The following NBPF12 variants were observed in gnomAD, a reference collection of about 807,000 sequenced individuals.
The protein encoded by NBPF12 is NBPF family member NBPF12.
A neutral mutation model predicts 146.4 loss-of-function variants in NBPF12; 115 were observed. The ratio of observed to expected loss-of-function variants is 0.79; its 90% CI spans 0.68 to 0.92. The LOEUF (loss-of-function observed/expected upper bound fraction) is 0.92. NBPF12 is among the 40% of genes least tolerant of loss of function. The pLI is 0.00. For missense variants in NBPF12, 1,205 were observed against 1,326.8 expected (o/e 0.91, Z 1.43); for synonymous variants, 385 against 508.9 (o/e 0.76, Z 3.28).
At chr1:146,944,989 TTCCTCCCTCCCTCCCTTCC>T (rs1654971564), upstream of NBPF12, among the ~76,000 whole-genome samples, 3 of 54,704 alleles carry the variant, frequency 5.5e-5, no homozygotes, top group African/African-American at 7.3e-5. Context: ...CCTGCCTTCC[TTCCTCCCTCCCTCCCTTCC>T]TTCCTCCCTC....
At chr1:146,941,758 CAAAAAAAA>C (rs1226007703) in intron 1 of NBPF12, among the ~76,000 whole-genome samples, 5 of 61,836 alleles carry the variant, frequency 8.1e-5, no homozygotes, top group South Asian at 5.6e-4. Context: ...TGTCTTGTAC[CAAAAAAAA>C]AAAAAAAAAA....
chr1:146,964,395 G>C (rs1443368390), exon 7 of NBPF12: 2 of 1,602,948 alleles, frequency 1.2e-6, no homozygotes, highest in South Asian at 1.1e-5. Flanking sequence ...TCAAGTTGAG[G>C]AGGATGAGAA....
chr1:146,939,718 A>C (rs1654710496), intron 1 of NBPF12, among the ~76,000 whole-genome samples: 1 of 151,852 alleles, frequency 6.6e-6, no homozygotes, highest in African/African-American at 2.4e-5. Context: ...TTGCTGGTGG[A>C]GCTGCTTTCG....
At chr1:146,962,999 T>A in intron 5 of NBPF12, 96 bp from the exon 9 acceptor site, 1 of 1,156,214 alleles carries the variant, frequency 8.6e-7, no homozygotes, top group Non-Finnish European at 1.3e-6. Context: ...CTTGAAGGTC[T>A]CCTTGAGAAC....
exon 6 of NBPF12, chr1:146,963,264 G>A: frequency 1.9e-6 from 3 of 1,612,008 alleles, no homozygotes; most frequent in Non-Finnish European, 2.5e-6. Flanking sequence ...ACAGCTGGCT[G>A]AGGGGTGTAG....
rs587659782 is a variant in NBPF12 at position 146,994,436 on chromosome 1, T to G, written c.4235T>G (p.Phe1412Cys). 5 of 1,612,088 alleles carry G rather than the reference T, an allele frequency of 3.1e-6. No homozygotes were observed. The African/African-American group carries it at 6.7e-5, about 22-fold the overall frequency. Reference sequence around the variant, plus strand: ...ATGTACTTTGAACTACCTGACTCATTCCAGCACTACAGAAGTGTGTTTTAC... The same window carrying G: ...ATGTACTTTGAACTACCTGACTCATGCCAGCACTACAGAAGTGTGTTTTAC... Residue 1412 changes from phenylalanine (F) to cysteine (C), a missense_variant, in exon 34 of 34, where the codon TTC (phenylalanine) becomes TGC (cysteine). Phe to Cys is a radical substitution (Grantham distance 205). Coordinates refer to ENST00000617844, the Ensembl canonical transcript of NBPF12.
chr1:146,984,976 G>A, exon 22 of NBPF12: 1 of 1,301,600 alleles, frequency 7.7e-7, no homozygotes, highest in East Asian at 2.3e-5. Flanking sequence ...CTTGGCTGTT[G>A]ACATGGATGG....
At chr1:146,971,244 A>G (rs1469364315) in exon 13 of NBPF12, 32 of 1,612,208 alleles carry the variant, frequency 2.0e-5, no homozygotes, top group Non-Finnish European at 2.5e-5. Flanking sequence ...ATGTGCCATC[A>G]CTTGTTCAAA....
At chr1:146,973,382 T>G (rs1388638412) in intron 14 of NBPF12, among the ~76,000 whole-genome samples, 1 of 151,714 alleles carries the variant, frequency 6.6e-6, no homozygotes, top group Non-Finnish European at 1.5e-5. Context: ...CAAAGCTCTG[T>G]TCTAGTGACT....
intron 22 of NBPF12, 144 bp downstream of exon 25, chr1:146,985,129 C>G: frequency 3.2e-6 from 2 of 625,106 alleles, no homozygotes; most frequent in Non-Finnish European, 5.6e-6. Flanking sequence ...GAGTGAAACT[C>G]TAGTTCCACT....
intron 17 of NBPF12, among the ~76,000 whole-genome samples, 169 bp downstream of exon 20, chr1:146,977,170 CTA>C (rs1339331649): frequency 6.8e-6 from 1 of 147,870 alleles, no homozygotes; most frequent in African/African-American, 2.5e-5. Flanking sequence ...TCATGTTTCT[CTA>C]TGTGTGCCGA....
At chr1:146,991,456 T>A (rs1176357935) in intron 30 of NBPF12, among the ~76,000 whole-genome samples, 171 bp downstream of exon 33, 1 of 152,074 alleles carries the variant, frequency 6.6e-6, no homozygotes, top group Non-Finnish European at 1.5e-5. Context: ...AGCCTAGACA[T>A]GAAATGGGTC....
intron 6 of NBPF12, 96 bp downstream of exon 9, chr1:146,963,405 T>C (rs1373388448): frequency 1.2e-6 from 2 of 1,602,706 alleles, no homozygotes; most frequent in African/African-American, 1.3e-5. Flanking sequence ...TCAGTGGGGT[T>C]TTTTTCTACT....
At chr1:146,940,618 A>C (rs1365456375) in intron 1 of NBPF12, among the ~76,000 whole-genome samples, 15 of 151,908 alleles carry the variant, frequency 9.9e-5, no homozygotes, top group Non-Finnish European at 2.1e-4. Context: ...AGATTAAGAA[A>C]TAGAACATTA....
intron 2 of NBPF12, among the ~76,000 whole-genome samples, chr1:146,959,331 AT>A (rs1469441672): frequency 1.3e-3 from 60 of 46,308 alleles, no homozygotes; most frequent in African/African-American, 7.0e-3. Flanking sequence ...AAAAAAAAAA[AT>A]GAAAAATTAG....
rs1658449346 is a variant in NBPF12 at position 146,994,896 on chromosome 1, C to T, written c.*321C>T. The T allele has an allele frequency of 6.9e-6, 3 of 437,190 alleles. No homozygotes were observed. In the Admixed American group the frequency reaches 1.1e-4, roughly 16 times the overall value. The allele number at this position is 437,190 out of a possible 1,614,324, so 27.1% of individuals were successfully genotyped here. ...TTCATTTTGCAGGCATGTCTCTGAG[C>T]TTCTATACCTACTCAAGGTCAGTGT... On this transcript the variant is annotated 3_prime_UTR_variant, in exon 34 of 34. Transcript: ENST00000617844.
At chr1:146,964,227 G>T (rs1241410610) in intron 6 of NBPF12, 130 bp from the exon 10 acceptor site, 13 of 1,428,528 alleles carry the variant, frequency 9.1e-6, no homozygotes, top group Admixed American at 1.8e-5. Flanking sequence ...TTTTGTGAAG[G>T]ATAAAACATG....
intron 4 of NBPF12, among the ~76,000 whole-genome samples, chr1:146,961,240 C>T (rs1271477568): frequency 1.3e-5 from 2 of 151,870 alleles, no homozygotes; most frequent in African/African-American, 4.8e-5. Context: ...GGTGCACAGG[C>T]TCTTGTTCCT....
chr1:146,961,005 G>C (rs1426211265), intron 4 of NBPF12, among the ~76,000 whole-genome samples: 1 of 152,070 alleles, frequency 6.6e-6, no homozygotes, highest in East Asian at 1.9e-4. Flanking sequence ...AAGTAGATGG[G>C]CGTCGTGGCG....
Sources: allele counts gnomAD v4.1 joint callset (sites outside exome capture counted in the v4.1 genomes callset), GRCh38; gene constraint gnomAD v4.1.1; transcripts MANE v1.5; gene names NCBI Gene and HGNC (gene_info 2026-07-23, HGNC 2026-07-21).